The following PPFIBP2 variants were observed in gnomAD, a reference collection of about 807,000 sequenced individuals.
PPFIBP2 encodes the protein liprin-beta-2.
Under a neutral mutation model 118.3 loss-of-function variants are expected in PPFIBP2, and 118 were observed. The ratio of observed to expected loss-of-function variants is 1.00; its 90% CI spans 0.86 to 1.16. The LOEUF (loss-of-function observed/expected upper bound fraction) is 1.16. Among genes scored for constraint, PPFIBP2 ranks in the 50% most tolerant of loss-of-function variants. PPFIBP2 has a pLI of 0.00. For synonymous variants in PPFIBP2, 414 were observed against 397.4 expected, an observed-to-expected ratio of 1.04 and a Z score of -0.50; for missense variants, 1,195 against 1,073.1, an observed-to-expected ratio of 1.11 and a Z score of -1.59.
intron 3 of PPFIBP2, among the ~76,000 whole-genome samples, chr11:7,578,927 G>C (rs1373463480): frequency 6.6e-6 from 1 of 152,166 alleles, no homozygotes; most frequent in African/African-American, 2.4e-5. Flanking sequence ...AGTGATGGCA[G>C]ACAGAGGCGG....
intron 1 of PPFIBP2, among the ~76,000 whole-genome samples, chr11:7,528,373 C>G (rs1156370309): frequency 2.6e-5 from 4 of 152,082 alleles, no homozygotes; most frequent in African/African-American, 9.7e-5. Flanking sequence ...ACTCCCAGAC[C>G]ACTATAGGCA....
At chr11:7,646,710 G>A (rs1305884127) in intron 17 of PPFIBP2, among the ~76,000 whole-genome samples, 1 of 152,140 alleles carries the variant, frequency 6.6e-6, no homozygotes, top group Non-Finnish European at 1.5e-5. Context: ...GGGCAGCAAA[G>A]CCAGACCCCA....
At chr11:7,591,244 A>G (rs1001205731) in intron 3 of PPFIBP2, among the ~76,000 whole-genome samples, 2 of 151,950 alleles carry the variant, frequency 1.3e-5, no homozygotes, top group Non-Finnish European at 2.9e-5. Flanking sequence ...GAGTCTCTGG[A>G]AGAAGTCTTG....
chr11:7,557,022 G>A (rs1201614988), intron 2 of PPFIBP2, among the ~76,000 whole-genome samples: 2 of 152,136 alleles, frequency 1.3e-5, no homozygotes, highest in East Asian at 3.8e-4. Flanking sequence ...TTTCTTTGTT[G>A]TCTCTGCTTC....
intron 5 of PPFIBP2, among the ~76,000 whole-genome samples, chr11:7,602,133 A>ATCTTTAAG (rs1846740038): frequency 1.3e-5 from 2 of 149,438 alleles, no homozygotes; most frequent in South Asian, 4.2e-4. Context: ...TCTCAAAAGG[A>ATCTTTAAG]TCTTTAAGGG....
chr11:7,662,724 A>T, the PPFIBP2 span, among the ~76,000 whole-genome samples: 1 of 150,538 alleles, frequency 6.6e-6, no homozygotes. Flanking sequence ...GTTCTCCTGG[A>T]TAATATCCTG....
intron 2 of PPFIBP2, among the ~76,000 whole-genome samples, chr11:7,551,447 A>T (rs998900275): frequency 6.6e-6 from 1 of 151,910 alleles, no homozygotes; most frequent in East Asian, 1.9e-4. Flanking sequence ...CTATTTCTGA[A>T]CTCTGTATTC....
intron 2 of PPFIBP2, among the ~76,000 whole-genome samples, chr11:7,563,165 A>G (rs1440351121): frequency 1.3e-5 from 2 of 152,070 alleles, no homozygotes; most frequent in African/African-American, 2.4e-5. Context: ...CAGATCTTCC[A>G]TCCACCTTTT....
intron 3 of PPFIBP2, among the ~76,000 whole-genome samples, chr11:7,567,490 T>C (rs184403366): frequency 4.6e-5 from 7 of 152,362 alleles, no homozygotes; most frequent in Admixed American, 4.6e-4. Context: ...CATTCATAAA[T>C]CTTCTAGAGT....
chr11:7,541,898 C>G (rs1219798753), intron 1 of PPFIBP2, among the ~76,000 whole-genome samples: 2 of 152,194 alleles, frequency 1.3e-5, no homozygotes, highest in East Asian at 3.8e-4. Flanking sequence ...TGACTCTGCT[C>G]TCTCATGCCC....
chr11:7,585,168 G>A (rs74051538), intron 3 of PPFIBP2, among the ~76,000 whole-genome samples: 1 of 152,224 alleles, frequency 6.6e-6, no homozygotes, highest in African/African-American at 2.4e-5. Context: ...TGAAGGCACT[G>A]GAATTTATAG....
intron 1 of PPFIBP2, among the ~76,000 whole-genome samples, chr11:7,514,482 C>T (rs1164957394): frequency 6.6e-6 from 1 of 152,114 alleles, no homozygotes; most frequent in Non-Finnish European, 1.5e-5. Context: ...CTGCTCAGCC[C>T]GGGGAGCAGC....
intron 5 of PPFIBP2, among the ~76,000 whole-genome samples, chr11:7,609,418 G>A (rs1022117401): frequency 4.6e-5 from 7 of 152,136 alleles, no homozygotes; most frequent in South Asian, 2.1e-4. Flanking sequence ...ATAGGACATT[G>A]CCCTTTGCCA....
intron 6 of PPFIBP2, among the ~76,000 whole-genome samples, chr11:7,618,462 C>G (rs11041480): frequency 0.37 from 56,342 of 152,090 alleles, 10,958 homozygotes; most frequent in East Asian, 0.63. Context: ...CTGTACACTT[C>G]TGATTCTGAT....
chr11:7,646,700 G>C (rs1853119631), intron 17 of PPFIBP2, among the ~76,000 whole-genome samples: 1 of 152,098 alleles, frequency 6.6e-6, no homozygotes, highest in African/African-American at 2.4e-5. Context: ...ACTCCAGCCT[G>C]GGCAGCAAAG....
At chr11:7,583,912 C>T (rs1467169231) in intron 3 of PPFIBP2, among the ~76,000 whole-genome samples, 1 of 152,222 alleles carries the variant, frequency 6.6e-6, no homozygotes, top group Non-Finnish European at 1.5e-5. Flanking sequence ...GCTGTTCTCA[C>T]ATTCTCCTAG....
chr11:7,636,827 C>A (rs1299388758), intron 14 of PPFIBP2, among the ~76,000 whole-genome samples: 1 of 152,120 alleles, frequency 6.6e-6, no homozygotes, highest in Non-Finnish European at 1.5e-5. Context: ...ACATGACCAC[C>A]CTCCCCTCTC....
intron 3 of PPFIBP2, chr11:7,568,812 A>G (rs1855304250): frequency 6.6e-6 from 1 of 152,224 alleles, no homozygotes; most frequent in African/African-American, 2.4e-5. Context: ...CCAGTTAATT[A>G]TTTTTGAGCG....
intron 6 of PPFIBP2, chr11:7,617,167 A>G: frequency 1.0e-6 from 1 of 985,208 alleles, no homozygotes; most frequent in Non-Finnish European, 1.2e-6. Context: ...CTGCAGCTGG[A>G]CATCCACAGG....
Sources: allele counts gnomAD v4.1 joint callset (sites outside exome capture counted in the v4.1 genomes callset), GRCh38; gene constraint gnomAD v4.1.1; transcripts MANE v1.5; gene names NCBI Gene and HGNC (gene_info 2026-07-23, HGNC 2026-07-21).